Variants in SUSD4 observed in about 807,000 individuals in gnomAD.
SUSD4 encodes the protein sushi domain containing 4, also known as sushi domain-containing protein 4.
SUSD4 carries 41 observed loss-of-function variants against 50.5 expected under a neutral mutation model. The observed-to-expected ratio is 0.81, with a 90% CI of 0.63 to 1.05. The LOEUF (loss-of-function observed/expected upper bound fraction) is 1.05. Among genes scored for constraint, SUSD4 ranks in the 50% least tolerant of loss-of-function variants. The pLI is 0.00. For synonymous variants in SUSD4, 257 were observed against 257.3 expected (o/e 1.00, Z 0.01); for missense variants, 580 against 634.7 (o/e 0.91, Z 0.93).
At position 223,227,248 on chromosome 1, in the gene SUSD4, C is replaced by T. The variant is rs540887665; in HGVS notation, c.1061+346G>A. 3.9e-3 allele frequency among the ~76,000 whole-genome samples: 590 copies of T among 152,260 alleles called. 3 individuals are homozygous for T. The highest frequency in any genetic ancestry group is 0.013 in the African/African-American group (555 of 41,538). On this transcript the variant is annotated intron_variant, in intron 7 of 8. Transcript: ENST00000366878. The surrounding 1 kb of genome is among the most constrained non-coding windows in gnomAD (Gnocchi z 4.5). The stretch of plus-strand genomic sequence containing the variant: ...TCCCTATAGACTGAGCTGTGTGGTG[C>T]TTCACTCCAGGGCCACATGCAGGGG...
chr1:223,244,406 C>T (rs140138943), intron 5 of SUSD4, among the ~76,000 whole-genome samples: 8 of 152,156 alleles, frequency 5.3e-5, no homozygotes, highest in Non-Finnish European at 1.2e-4. Context: ...GGAAAAGGGC[C>T]CGGGTCTAGG....
chr1:223,287,875 CA>C (rs1180734806), intron 3 of SUSD4, among the ~76,000 whole-genome samples: 2 of 152,236 alleles, frequency 1.3e-5, no homozygotes, highest in Non-Finnish European at 2.9e-5. Context: ...AATCTAATTT[CA>C]TAAAATTTTA....
chr1:223,223,514 C>T lies in SUSD4; in HGVS notation c.1179G>A (p.Gly393=). 6.2e-7 allele frequency: 1 copy of T among 1,612,968 alleles called. No individual in the cohort carries two copies. Among genetic ancestry groups the T allele is most frequent in the South Asian group, 1.1e-5 (1 of 90,958 alleles). ...AGCCCTGGCCCACAGAGGCCATGTA[C>T]CCGGGGCCTAAGGCACTCAAGCCGC... ...VSGGLSALGP[G]YMASVGQGCP... Residue 393 remains glycine (G), a synonymous_variant, in exon 8 of 9, where the codon GGG becomes GGA. Transcript: ENST00000366878.
chr1:223,354,919 C>T (rs988719358), intron 2 of SUSD4, among the ~76,000 whole-genome samples: 1 of 152,168 alleles, frequency 6.6e-6, no homozygotes, highest in Non-Finnish European at 1.5e-5. Context: ...GACACAAAGA[C>T]ATCAAAGAAT....
intron 3 of SUSD4, among the ~76,000 whole-genome samples, chr1:223,281,745 A>G (rs1325658731): frequency 6.6e-6 from 1 of 152,208 alleles, no homozygotes; most frequent in East Asian, 1.9e-4. Flanking sequence ...TTATGAGGCC[A>G]GCATCATCCT....
chr1:223,231,012 G>T lies in SUSD4; in HGVS notation c.725-1624C>A, dbSNP rs1369332064. Among the ~76,000 whole-genome samples, 1 of 152,164 alleles carries T rather than the reference G, an allele frequency of 6.6e-6. No homozygotes were observed. Among genetic ancestry groups the T allele is most frequent in the Non-Finnish European group, 1.5e-5 (1 of 68,032 alleles). The stretch of plus-strand genomic sequence containing the variant: ...GATGGCAAAGTGGAGAAGCCAGCAG[G>T]AACACCCCAAGATTAGTGAGAGCAG... On this transcript the variant is annotated intron_variant, in intron 5 of 8. Coordinates refer to ENST00000366878, the MANE Select transcript of SUSD4 (RefSeq NM_017982.4). This position sits in a 1 kb window ranked among gnomAD's most constrained non-coding sequence, Gnocchi z 4.2.
chr1:223,285,880 C>T (rs1228090879), intron 3 of SUSD4, among the ~76,000 whole-genome samples: 1 of 152,168 alleles, frequency 6.6e-6, no homozygotes, highest in East Asian at 1.9e-4. Context: ...CAAAAACTAC[C>T]TATGGGGTAC....
rs769490694 is a variant in SUSD4 at position 223,264,626 on chromosome 1, T to C, written c.724+4A>G. 1.2e-6 allele frequency: 2 copies of C among 1,613,880 alleles called. No individual in the cohort carries two copies. Among genetic ancestry groups the C allele is most frequent in the South Asian group, 2.2e-5 (2 of 91,006 alleles). ...ACAACTTCCGAAAGAATGAGATGTG[T>C]TACCTTCCAGAGCAAGGCACCGGGG... On this transcript the variant is annotated splice_donor_region_variant and intron_variant, in intron 5 of 8. Transcript: ENST00000366878.
intron 2 of SUSD4, among the ~76,000 whole-genome samples, chr1:223,351,599 C>T (rs943427932): frequency 6.6e-6 from 1 of 152,062 alleles, no homozygotes; most frequent in Non-Finnish European, 1.5e-5. Context: ...CAGAGGGGCG[C>T]CCAGATGCAG....
At chr1:223,266,096 G>A (rs751065956) in intron 4 of SUSD4, among the ~76,000 whole-genome samples, 2 of 152,168 alleles carry the variant, frequency 1.3e-5, no homozygotes, top group Non-Finnish European at 2.9e-5. Flanking sequence ...ACTCACTGTC[G>A]TGGTTGGGCA....
intron 5 of SUSD4, among the ~76,000 whole-genome samples, chr1:223,260,140 C>T (rs1661997939): frequency 6.6e-6 from 1 of 152,200 alleles, no homozygotes; most frequent in African/African-American, 2.4e-5. Flanking sequence ...GCAGAAGCCC[C>T]CGTGTGCCCT....
At chr1:223,363,596 C>T (rs1412277684) in intron 1 of SUSD4, 136 bp from the exon 2 acceptor site, 17 of 1,075,484 alleles carry the variant, frequency 1.6e-5, no homozygotes, top group South Asian at 2.1e-5. Flanking sequence ...CGGCCCCCGC[C>T]CCCTTTCCCA....
chr1:223,244,619 C>T (rs1489350332), intron 5 of SUSD4, among the ~76,000 whole-genome samples: 1 of 152,098 alleles, frequency 6.6e-6, no homozygotes, highest in Non-Finnish European at 1.5e-5. Flanking sequence ...CCTGATGCTA[C>T]AGATTGGATT....
chr1:223,346,517 GC>G (rs1227291300), intron 2 of SUSD4, among the ~76,000 whole-genome samples: 1 of 151,992 alleles, frequency 6.6e-6, no homozygotes, highest in Non-Finnish European at 1.5e-5. Context: ...ATGGCTGAGT[GC>G]CCCCCAGCCT....
chr1:223,307,952 T>C (rs1383186733), intron 2 of SUSD4, among the ~76,000 whole-genome samples: 7 of 152,222 alleles, frequency 4.6e-5, no homozygotes, highest in Admixed American at 4.6e-4. Flanking sequence ...CATGCTGTCC[T>C]TGGACAACAA....
chr1:223,233,476 T>G (rs1316374131), intron 5 of SUSD4, among the ~76,000 whole-genome samples: 1 of 152,194 alleles, frequency 6.6e-6, no homozygotes, highest in East Asian at 1.9e-4. Context: ...CCTCTCACTA[T>G]GAGGCTCGAC....
chr1:223,277,303 TA>T (rs1384745353), intron 3 of SUSD4, among the ~76,000 whole-genome samples: 4 of 46,182 alleles, frequency 8.7e-5, no homozygotes, highest in African/African-American at 1.9e-4. Flanking sequence ...GAATGGATGA[TA>T]TTTTTTTTTT....
intron 5 of SUSD4, 172 bp downstream of exon 5, chr1:223,264,458 A>C: frequency 7.4e-7 from 1 of 1,348,492 alleles, no homozygotes; most frequent in East Asian, 2.6e-5. Flanking sequence ...TTTACATCTA[A>C]TTGTAAATAT....
At chr1:223,254,881 C>T (rs1226257720) in intron 5 of SUSD4, among the ~76,000 whole-genome samples, 3 of 150,886 alleles carry the variant, frequency 2.0e-5, no homozygotes, top group Admixed American at 6.6e-5. Flanking sequence ...CTGGTAATCA[C>T]TCTGCTGTAA....
Sources: gnomAD v4.1 joint callset for allele counts (sites outside exome capture counted in the v4.1 genomes callset) on GRCh38, gnomAD v4.1.1 for gene constraint, Gnocchi (gnomAD v3.1) non-coding constraint, MANE v1.5 for transcripts, NCBI Gene and HGNC (gene_info 2026-07-23, HGNC 2026-07-21) for gene names.